Variants in DHODH observed in about 807,000 individuals in gnomAD.
The protein encoded by DHODH is dihydroorotate dehydrogenase (quinone).
Under a neutral mutation model 39.7 loss-of-function variants are expected in DHODH, and 30 were observed. The observed-to-expected ratio is 0.76, with a 90% CI of 0.57 to 1.02. The LOEUF (loss-of-function observed/expected upper bound fraction) is 1.02, where lower values mean the gene tolerates loss of function less well. Ranked by LOEUF, DHODH falls within the 50% of genes least tolerant of loss-of-function variation. The pLI is 0.00. For missense variants in DHODH, 531 were observed against 520.8 expected (o/e 1.02, Z -0.19); for synonymous variants, 222 against 213.8 (o/e 1.04, Z -0.34).
chr16:72,022,385 G>C lies in DHODH; in HGVS notation c.729G>C (p.Leu243Phe). ...LTKVLQERDGLRRVHRPAVLV... is the reference protein window; with the variant it reads ...LTKVLQERDGFRRVHRPAVLV... ...AGGTGCTGCAGGAGAGGGATGGCTT[G>C]CGGAGAGTGCACAGGCCGGCAGTCC... The change falls in exon 6 of 9, where the codon TTG becomes TTC. Residue 243 changes from leucine (L) to phenylalanine (F), a missense_variant. Coordinates refer to ENST00000219240, the MANE Select transcript of DHODH (RefSeq NM_001361.5). The C allele has an allele frequency of 2.6e-6, 4 of 1,554,982 alleles. No individual in the cohort carries two copies. Among genetic ancestry groups the C allele is most frequent in the Non-Finnish European group, 3.5e-6 (4 of 1,149,028 alleles).
intron 4 of DHODH, among the ~76,000 whole-genome samples, chr16:72,020,722 G>A (rs952751110): frequency 3.3e-5 from 5 of 152,252 alleles, no homozygotes; most frequent in African/African-American, 1.2e-4. Context: ...AGTCAACCGA[G>A]CCAAGGCCAA....
At chr16:72,023,680 C>T (rs994818819) in intron 8 of DHODH, 47 bp downstream of exon 8, 2 of 1,608,106 alleles carry the variant, frequency 1.2e-6, no homozygotes, top group Non-Finnish European at 1.7e-6. Flanking sequence ...GGCAGAGGTT[C>T]ATTTAGATCA....
chr16:72,011,993 C>A, intron 1 of DHODH, 57 bp from the exon 2 acceptor site: 2 of 1,479,326 alleles, frequency 1.4e-6, no homozygotes, highest in Non-Finnish European at 1.9e-6. Context: ...GTGAAGGGCT[C>A]AGGAAGGGTG....
chr16:72,011,468 A>G (rs1032407614), intron 1 of DHODH, among the ~76,000 whole-genome samples: 48 of 152,170 alleles, frequency 3.2e-4, no homozygotes, highest in African/African-American at 1.0e-3. Flanking sequence ...AAGAGGCTCT[A>G]TCTCTTCAAA....
At chr16:72,016,727 C>A in intron 3 of DHODH, 1 of 400,750 alleles carries the variant, frequency 2.5e-6, no homozygotes, top group East Asian at 5.6e-5. Flanking sequence ...AGTGAGTGTG[C>A]AATTCTCAGA....
chr16:72,020,452 T>C (rs1321089879), intron 4 of DHODH: 1 of 150,326 alleles, frequency 6.7e-6, no homozygotes, highest in Non-Finnish European at 1.5e-5. Flanking sequence ...TCACGGTTCA[T>C]TGGAGCCTCA....
At chr16:72,009,898 G>T (rs2041064953) in intron 1 of DHODH, among the ~76,000 whole-genome samples, 1 of 152,304 alleles carries the variant, frequency 6.6e-6, no homozygotes, top group African/African-American at 2.4e-5. Context: ...ACCGCGCTCG[G>T]CCTGAGTCTC....
chr16:72,026,753 T>G lies in DHODH; in HGVS notation c.*2554T>G, dbSNP rs2041279108. 6.6e-6 allele frequency: 1 copy of G among 152,018 alleles called. No individual in the cohort carries two copies. Among genetic ancestry groups the G allele is most frequent in the South Asian group, 2.1e-4 (1 of 4,812 alleles). 9.4% of individuals were successfully genotyped at this position (152,018 alleles called of 1,614,324 possible). A position where few individuals can be genotyped will look rare whatever the true frequency, so the allele number is the denominator to read the frequency against. ...ACCAGGATAAGGAGTTGTCTTGCAT[T>G]CAGGGGCCATGTGGTGTGCGGATAC... On this transcript the variant is annotated 3_prime_UTR_variant, in exon 9 of 9. Coordinates refer to ENST00000219240, the MANE Select transcript of DHODH (RefSeq NM_001361.5).
At chr16:72,020,971 C>A (rs556936245) in intron 4 of DHODH, among the ~76,000 whole-genome samples, 153 bp from the exon 5 acceptor site, 1 of 152,342 alleles carries the variant, frequency 6.6e-6, no homozygotes, top group Admixed American at 6.5e-5. Flanking sequence ...CGGGCCCAGG[C>A]CGCAGTTGAG....
intron 8 of DHODH, 130 bp from the exon 9 acceptor site, chr16:72,024,015 T>G (rs1333768633): frequency 6.2e-6 from 6 of 961,958 alleles, no homozygotes; most frequent in Non-Finnish European, 8.5e-6. Flanking sequence ...GGTCTCTGGG[T>G]GAAGAGTGTA....
intron 2 of DHODH, among the ~76,000 whole-genome samples, chr16:72,014,220 C>G (rs764864549): frequency 3.9e-5 from 6 of 152,214 alleles, no homozygotes; most frequent in Non-Finnish European, 8.8e-5. Context: ...TCCCCCCAGG[C>G]TTGCTAATAA....
chr16:72,009,132 CTCCCAACCCTTTT>C (rs1203437003), intron 1 of DHODH: 7 of 1,209,446 alleles, frequency 5.8e-6, no homozygotes, highest in Non-Finnish European at 6.2e-6. Flanking sequence ...GTAGGACATG[CTCCCAACCCTTTT>C]AGGTAAAGTT....
intron 5 of DHODH, 124 bp downstream of exon 5, chr16:72,021,435 G>A (rs2041216544): frequency 1.9e-6 from 2 of 1,037,216 alleles, no homozygotes; most frequent in Admixed American, 2.0e-5. Context: ...AGACCAGTAG[G>A]ACCCCTGGCT....
chr16:72,015,575 C>A, intron 3 of DHODH: 1 of 543,968 alleles, frequency 1.8e-6, no homozygotes, highest in Non-Finnish European at 2.3e-6. Flanking sequence ...TCCTGGGAGA[C>A]GGACCTGTAG....
intron 2 of DHODH, 87 bp downstream of exon 2, chr16:72,012,349 AAACCAG>A: frequency 8.2e-7 from 1 of 1,220,116 alleles, no homozygotes; most frequent in Non-Finnish European, 1.2e-6. Context: ...ATCTTTTTGA[AAACCAG>A]AACCCCAAGT....
At chr16:72,016,922 C>A in intron 3 of DHODH, 102 bp from the exon 4 acceptor site, 1 of 1,085,042 alleles carries the variant, frequency 9.2e-7, no homozygotes, top group Non-Finnish European at 1.4e-6. Flanking sequence ...TAAGAACTGA[C>A]TGTGATTTTT....
At chr16:72,018,455 G>A (rs745386946) in intron 4 of DHODH, among the ~76,000 whole-genome samples, 18 of 152,190 alleles carry the variant, frequency 1.2e-4, no homozygotes, top group East Asian at 1.9e-4. Flanking sequence ...CTGCAGAGCC[G>A]CCCACCTGGG....
intron 2 of DHODH, among the ~76,000 whole-genome samples, chr16:72,014,227 A>G (rs1471576660): frequency 6.6e-6 from 1 of 152,114 alleles, no homozygotes; most frequent in African/African-American, 2.4e-5. Flanking sequence ...AGGCTTGCTA[A>G]TAATAAAGCC....
At chr16:72,013,025 G>T (rs1350652401) in intron 2 of DHODH, among the ~76,000 whole-genome samples, 2 of 152,178 alleles carry the variant, frequency 1.3e-5, no homozygotes, top group Admixed American at 1.3e-4. Flanking sequence ...CTTTCGAGAG[G>T]CTTCTTACCA....
Sources: gnomAD v4.1 joint callset for allele counts (sites outside exome capture counted in the v4.1 genomes callset) on GRCh38, gnomAD v4.1.1 for gene constraint, MANE v1.5 for transcripts, NCBI Gene and HGNC (gene_info 2026-07-23, HGNC 2026-07-21) for gene names.